Variants in ERCC1 observed in about 807,000 individuals in gnomAD.
The protein encoded by ERCC1 is DNA excision repair protein ERCC-1.
Under a neutral mutation model 37.6 loss-of-function variants are expected in ERCC1, and 36 were observed. The ratio of observed to expected loss-of-function variants is 0.96; its 90% CI spans 0.73 to 1.26. The LOEUF is 1.26. ERCC1 is among the 50% of genes most tolerant of loss of function. ERCC1 has a pLI of 0.00. For missense variants in ERCC1, 349 were observed against 376.5 expected (o/e 0.93, Z 0.60); for synonymous variants, 156 against 162.1 (o/e 0.96, Z 0.28).
chr19:45,436,335 A>G (rs1488541693), intron 1 of ERCC1, among the ~76,000 whole-genome samples: 2 of 152,176 alleles, frequency 1.3e-5, no homozygotes, highest in Non-Finnish European at 2.9e-5. Flanking sequence ...ACTTAAAACA[A>G]GAGAAATTCG....
At chr19:45,425,937 T>A (rs1391104559), upstream of ERCC1, among the ~76,000 whole-genome samples, 2 of 137,014 alleles carry the variant, frequency 1.5e-5, no homozygotes, top group Non-Finnish European at 3.0e-5. Flanking sequence ...GTGTCTACAT[T>A]TTCCCATTTT....
chr19:45,414,650 G>C, intron 7 of ERCC1: 1 of 533,718 alleles, frequency 1.9e-6, no homozygotes, highest in Non-Finnish European at 3.4e-6. Flanking sequence ...TTCTCTCGGG[G>C]TACTGGGGAG....
chr19:45,447,302 A>AC (rs1190709010), intron 1 of ERCC1, among the ~76,000 whole-genome samples: 1 of 120,226 alleles, frequency 8.3e-6, no homozygotes, highest in Non-Finnish European at 1.6e-5. Flanking sequence ...TGAGACAGAG[A>AC]TTTGCTCTTG....
chr19:45,446,556 T>C (rs1966948048), intron 1 of ERCC1, among the ~76,000 whole-genome samples: 1 of 152,164 alleles, frequency 6.6e-6, no homozygotes, highest in South Asian at 2.1e-4. Context: ...CCAAAGATGG[T>C]ACCCCTCTAT....
intron 1 of ERCC1, among the ~76,000 whole-genome samples, chr19:45,446,198 C>T (rs1461041364): frequency 6.6e-6 from 1 of 152,128 alleles, no homozygotes; most frequent in African/African-American, 2.4e-5. Context: ...CCGCGCCTGG[C>T]TTGTTTTTTA....
Position 45,408,037 on chromosome 19 carries a change from G to A in ERCC1, c.*1638C>T. The A allele has an allele frequency of 3.5e-6, 5 of 1,433,188 alleles. No homozygotes were observed. The highest frequency in any genetic ancestry group is 3.7e-6 in the Non-Finnish European group (4 of 1,076,312). 88.8% of individuals were successfully genotyped at this position (1,433,188 alleles called of 1,614,324 possible). A position where few individuals can be genotyped will look rare whatever the true frequency, so the allele number is the denominator to read the frequency against. ...CCACTGCACTCCAGCCTAGGCAACA[G>A]AGCAAGACTCTCTCAAAAAAAAACA... On this transcript the variant is annotated 3_prime_UTR_variant, in exon 10 of 10. Transcript: ENST00000300853.
rs767797029 is a variant in ERCC1, at chr19:45,407,821, C to G, written c.*1854G>C. The G allele has an allele frequency of 2.6e-5, 7 of 271,254 alleles. No homozygotes were observed. The highest frequency in any genetic ancestry group is 3.5e-5 in the Non-Finnish European group (5 of 143,498). The allele number at this position is 271,254 out of a possible 1,614,324, so 16.8% of individuals were successfully genotyped here. A position where few individuals can be genotyped will look rare whatever the true frequency, so the allele number is the denominator to read the frequency against. ...CCTGTAATCCCATCCTTTGGGAGGC[C>G]GAGGCGAGCAGATCACTTGAGGTCA... On this transcript the variant is annotated 3_prime_UTR_variant, in exon 10 of 10. Coordinates refer to ENST00000300853, the MANE Select transcript of ERCC1 (RefSeq NM_001983.4).
chr19:45,447,301 G>A (rs1394361889), intron 1 of ERCC1, among the ~76,000 whole-genome samples: 4 of 133,928 alleles, frequency 3.0e-5, no homozygotes, highest in Non-Finnish European at 6.1e-5. Context: ...TTGAGACAGA[G>A]ATTTGCTCTT....
At chr19:45,424,098 C>T (rs1436961743), upstream of ERCC1, 2 of 1,032,418 alleles carry the variant, frequency 1.9e-6, no homozygotes, top group African/African-American at 3.4e-5. Flanking sequence ...GCCCAGAATC[C>T]TGGCAGGGCT....
chr19:45,443,711 G>A (rs971036761), intron 1 of ERCC1, among the ~76,000 whole-genome samples: 2 of 152,134 alleles, frequency 1.3e-5, no homozygotes, highest in Non-Finnish European at 2.9e-5. Flanking sequence ...AATGGGCAAG[G>A]AGGGCCCCTC....
intron 1 of ERCC1, among the ~76,000 whole-genome samples, chr19:45,449,886 C>T (rs1260892753): frequency 4.6e-5 from 7 of 151,898 alleles, no homozygotes; most frequent in Admixed American, 4.6e-4. Context: ...ATCACTTGAA[C>T]ATGGGAGGCA....
intron 1 of ERCC1, among the ~76,000 whole-genome samples, chr19:45,439,868 AG>A (rs985622133): frequency 1.3e-5 from 2 of 151,794 alleles, no homozygotes; most frequent in Non-Finnish European, 2.9e-5. Context: ...AGTGGTCGCG[AG>A]GGGGCGCGCA....
rs746659793 is a variant in ERCC1, at chr19:45,409,722, G to C, written c.847C>G (p.Arg283Gly). 2 of 830,406 alleles carry C rather than the reference G, an allele frequency of 2.4e-6. No individual in the cohort carries two copies. Among genetic ancestry groups the C allele is most frequent in the Non-Finnish European group, 2.1e-6 (1 of 465,312 alleles). 51.4% of individuals were successfully genotyped at this position (830,406 alleles called of 1,614,324 possible). The change falls in exon 10 of 10, where the codon CGG (arginine) becomes GGG (glycine). Residue 283 changes from arginine to glycine, a missense_variant. Transcript: ENST00000300853. ...LCPGLGPQKARRLFDVLHEPF... is the reference protein window; with the variant it reads ...LCPGLGPQKAGRLFDVLHEPF... ...TCGTGCAGGACATCAAACAGCCTCC[G>C]GGCCTGGATGGGAGGGAGAAAAAAA...
upstream of ERCC1, among the ~76,000 whole-genome samples, chr19:45,425,097 TTTTTTTTTTG>T: frequency 6.8e-6 from 1 of 146,070 alleles, no homozygotes. Flanking sequence ...TTTTTTTTTT[TTTTTTTTTTG>T]TATTTTTAGT....
At chr19:45,419,552 A>G (rs1182622354) in intron 4 of ERCC1, 2 of 343,356 alleles carry the variant, frequency 5.8e-6, no homozygotes, top group Non-Finnish European at 1.1e-5. Flanking sequence ...CCACTGCCAA[A>G]CCATCTGCTC....
At position 45,409,604 on chromosome 19, in the gene ERCC1, C is replaced by T. The variant is rs904182440; in HGVS notation, c.*71G>A. 8.9e-6 allele frequency: 14 copies of T among 1,577,712 alleles called. No individual in the cohort carries two copies. Among genetic ancestry groups the T allele is most frequent in the Admixed American group, 5.5e-5 (3 of 54,918 alleles). ...TCCCTCCCCAGAGACTGCACCAGCG[C>T]AGCCAGCAGGAGCCTGGCCTGGGAG... On this transcript the variant is annotated 3_prime_UTR_variant, in exon 10 of 10. Coordinates refer to ENST00000300853, the MANE Select transcript of ERCC1 (RefSeq NM_001983.4).
At chr19:45,417,999 A>C (rs1360860297) in intron 5 of ERCC1, among the ~76,000 whole-genome samples, 1 of 152,038 alleles carries the variant, frequency 6.6e-6, no homozygotes, top group African/African-American at 2.4e-5. Flanking sequence ...ACCCAATGGA[A>C]GAGGAATGCT....
Position 45,415,732 on chromosome 19 carries a change from G to A in ERCC1, c.603-772C>T, listed in dbSNP as rs936972885. The A allele has an allele frequency of 2.6e-5, 12 of 455,800 alleles. No individual in the cohort carries two copies. In the East Asian group the frequency reaches 8.3e-4, roughly 32 times the overall value. 28.2% of individuals were successfully genotyped at this position (455,800 alleles called of 1,614,324 possible). ...ACAACCTGGTAGTAACCACTGCTGG[G>A]CGCATCTTGATATCTTTTCTGGCTA... On this transcript the variant is annotated intron_variant, in intron 6 of 9. Transcript: ENST00000300853.
intron 1 of ERCC1, among the ~76,000 whole-genome samples, chr19:45,443,451 G>A (rs1568601308): frequency 6.6e-6 from 1 of 152,156 alleles, no homozygotes; most frequent in Non-Finnish European, 1.5e-5. Flanking sequence ...CCCACCTTGG[G>A]TCCCAGATCC....
Sources: gnomAD v4.1 joint callset for allele counts (sites outside exome capture counted in the v4.1 genomes callset) on GRCh38, gnomAD v4.1.1 for gene constraint, MANE v1.5 for transcripts, NCBI Gene and HGNC (gene_info 2026-07-23, HGNC 2026-07-21) for gene names.